ANKRD30BL: variants seen among roughly 807,000 people sequenced by gnomAD.
The protein encoded by ANKRD30BL is putative ankyrin repeat domain-containing protein 30B-like.
A neutral mutation model predicts 18.4 loss-of-function variants in ANKRD30BL; 20 were observed. The observed-to-expected ratio is 1.09, with a 90% CI of 0.77 to 1.58. The LOEUF (loss-of-function observed/expected upper bound fraction) is 1.58. Ranked by LOEUF, ANKRD30BL falls within the 40% of genes most tolerant of loss-of-function variation. The pLI is 0.00. For synonymous variants in ANKRD30BL, 72 were observed against 100.9 expected (o/e 0.71, Z 1.72); for missense variants, 224 against 268.6 (o/e 0.83, Z 1.16).
intron 1 of ANKRD30BL, among the ~76,000 whole-genome samples, chr2:132,172,419 A>G (rs1688298129): frequency 6.6e-6 from 1 of 152,246 alleles, no homozygotes; most frequent in African/African-American, 2.4e-5. Flanking sequence ...TAATAATCCT[A>G]ATGGGTGTGA....
At position 132,157,044 on chromosome 2, in the gene ANKRD30BL, C is replaced by G. The variant is rs759414632; in HGVS notation, c.436G>C (p.Val146Leu). The G allele has an allele frequency of 1.2e-5, 17 of 1,382,076 alleles. No individual in the cohort carries two copies. The highest frequency in any genetic ancestry group is 1.5e-5 in the African/African-American group (1 of 68,928). 85.6% of individuals were successfully genotyped at this position (1,382,076 alleles called of 1,614,324 possible). A position where few individuals can be genotyped will look rare whatever the true frequency, so the allele number is the denominator to read the frequency against. The change falls in exon 3 of 6, where the codon GTT (valine) becomes CTT (leucine). Residue 146 changes from valine to leucine, a missense_variant. Physicochemically the swap from Val to Leu is conservative, Grantham distance 32. This residue lies in a region of ANKRD30BL where 30 missense variants were observed against 77.5 expected (regional missense o/e 0.39). Coordinates refer to ENST00000409867, the MANE Select transcript of ANKRD30BL (RefSeq NM_001358416.1). ...VYGNTAVHYA[V>L]NSENLSVVAK... ...ACCACTGACAAATTCTCACTGTTAA[C>G]AGCATAATGGACAGCTGTGTTGCCA...
chr2:132,153,701 T>C (rs779757439), intron 4 of ANKRD30BL: 22 of 1,233,126 alleles, frequency 1.8e-5, no homozygotes, highest in Admixed American at 1.2e-4. Flanking sequence ...TGTGCTAAAA[T>C]AACAAAGAGA....
chr2:132,225,990 A>G (rs948649555), intron 1 of ANKRD30BL, among the ~76,000 whole-genome samples: 5 of 151,956 alleles, frequency 3.3e-5, no homozygotes, highest in Non-Finnish European at 7.4e-5. Context: ...TTTGAGGCCT[A>G]TGTTGGAAAA....
chr2:132,222,365 A>G (rs1431712044), intron 1 of ANKRD30BL, among the ~76,000 whole-genome samples: 1 of 152,124 alleles, frequency 6.6e-6, no homozygotes, highest in African/African-American at 2.4e-5. Flanking sequence ...ATGGGCCATG[A>G]TGACAATGGC....
Position 132,228,613 on chromosome 2 carries a change from T to C in ANKRD30BL, n.441+28916A>G, listed in dbSNP as rs190183343. On this transcript the variant is annotated intron_variant and non_coding_transcript_variant, in intron 1 of 4. Coordinates refer to the ANKRD30BL transcript ENST00000470729. ...AAAGTAAATATTTTCACATAGAAAC[T>C]AGACAGAAAAATTCTGAGAAATTTC... 1.2e-3 allele frequency among the ~76,000 whole-genome samples: 180 copies of C among 151,218 alleles called. 1 individual carries two copies. In the East Asian group the frequency reaches 0.034, roughly 29 times the overall value.
chr2:132,208,558 G>A (rs1333100848), intron 1 of ANKRD30BL, among the ~76,000 whole-genome samples: 1 of 152,124 alleles, frequency 6.6e-6, no homozygotes, highest in Non-Finnish European at 1.5e-5. Flanking sequence ...GACAAAAATA[G>A]TTATACTTCT....
chr2:132,173,986 C>A (rs1164381290), intron 1 of ANKRD30BL, among the ~76,000 whole-genome samples: 1 of 152,168 alleles, frequency 6.6e-6, no homozygotes. Flanking sequence ...AAACAAACAA[C>A]AGCTACAATG....
At chr2:132,197,253 C>G (rs370088756) in intron 1 of ANKRD30BL, among the ~76,000 whole-genome samples, 2 of 152,188 alleles carry the variant, frequency 1.3e-5, no homozygotes, top group South Asian at 2.1e-4. Context: ...AATCCATATC[C>G]AGACACATTG....
chr2:132,251,634 C>T (rs148361962), intron 1 of ANKRD30BL, among the ~76,000 whole-genome samples: 1 of 151,820 alleles, frequency 6.6e-6, no homozygotes, highest in Non-Finnish European at 1.5e-5. Flanking sequence ...TAACATTCAT[C>T]TGTTTTATGT....
chr2:132,175,688 C>T (rs143795141), intron 1 of ANKRD30BL, among the ~76,000 whole-genome samples: 5,589 of 152,310 alleles, frequency 0.037, 325 homozygotes, highest in African/African-American at 0.12. Context: ...GGACAATACC[C>T]GGCTTTCCAG....
At chr2:132,230,227 T>C (rs1679971660) in intron 1 of ANKRD30BL, among the ~76,000 whole-genome samples, 1 of 152,102 alleles carries the variant, frequency 6.6e-6, no homozygotes, top group Non-Finnish European at 1.5e-5. Flanking sequence ...ATAGAGCAGT[T>C]TTGAAGCAGT....
chr2:132,148,628 C>T (rs572983700), intron 5 of ANKRD30BL, among the ~76,000 whole-genome samples: 1 of 152,006 alleles, frequency 6.6e-6, no homozygotes, highest in Admixed American at 6.5e-5. Context: ...CTTTGGCCTT[C>T]CAAAGTGCTA....
intron 1 of ANKRD30BL, among the ~76,000 whole-genome samples, chr2:132,168,348 A>G (rs1044062155): frequency 6.6e-6 from 1 of 152,148 alleles, no homozygotes; most frequent in Non-Finnish European, 1.5e-5. Context: ...GTGTATTTTG[A>G]ATAATGGCCT....
chr2:132,155,901 A>G (rs1448893250), intron 3 of ANKRD30BL: 3 of 151,460 alleles, frequency 2.0e-5, no homozygotes, highest in Non-Finnish European at 4.4e-5. Flanking sequence ...CCGTCTCAAA[A>G]AAAAAAAAAA....
chr2:132,235,834 T>G (rs199601980), intron 1 of ANKRD30BL, among the ~76,000 whole-genome samples: 1 of 151,906 alleles, frequency 6.6e-6, no homozygotes, highest in African/African-American at 2.4e-5. Flanking sequence ...ATTGGAAAAA[T>G]CTACTTTAAA....
chr2:132,191,861 C>T (rs557598115), intron 1 of ANKRD30BL, among the ~76,000 whole-genome samples: 1 of 151,668 alleles, frequency 6.6e-6, no homozygotes, highest in South Asian at 2.1e-4. Context: ...CCTGCCTCAG[C>T]CTCCTGAGTA....
upstream of ANKRD30BL, among the ~76,000 whole-genome samples, chr2:132,163,140 T>G (rs560574398): frequency 5.3e-4 from 80 of 152,230 alleles, no homozygotes; most frequent in African/African-American, 1.9e-3. Flanking sequence ...GAGAAACAGT[T>G]AAATTGAACT....
intron 1 of ANKRD30BL, among the ~76,000 whole-genome samples, chr2:132,219,808 A>G (rs1414356282): frequency 1.3e-5 from 2 of 151,796 alleles, no homozygotes; most frequent in Admixed American, 6.6e-5. Flanking sequence ...TGAGGACTTC[A>G]TTGGAAACTG....
intron 1 of ANKRD30BL, among the ~76,000 whole-genome samples, chr2:132,185,806 T>C (rs1688550926): frequency 6.6e-6 from 1 of 152,138 alleles, no homozygotes; most frequent in Non-Finnish European, 1.5e-5. Context: ...AGAGAATACA[T>C]TCACATGGAT....
Sources: gnomAD v4.1 joint callset for allele counts (sites outside exome capture counted in the v4.1 genomes callset) on GRCh38, gnomAD v4.1.1 for gene constraint, gnomAD v4.1.1 regional missense constraint, MANE v1.5 for transcripts, NCBI Gene and HGNC (gene_info 2026-07-23, HGNC 2026-07-21) for gene names.